Variants in KAZN observed in about 807,000 individuals in gnomAD.
KAZN encodes the protein kazrin.
A neutral mutation model predicts 87.4 loss-of-function variants in KAZN; 40 were observed. That is an observed-to-expected ratio of 0.46 (90% CI 0.36 to 0.60). KAZN has a LOEUF of 0.60. Ranked by LOEUF, KAZN falls within the 20% of genes least tolerant of loss-of-function variation. KAZN has a pLI of 0.00. For missense variants in KAZN, 898 were observed against 1,073.9 expected, an observed-to-expected ratio of 0.84 and a Z score of 2.29; for synonymous variants, 466 against 458.3, an observed-to-expected ratio of 1.02 and a Z score of -0.22.
Position 14,357,378 on chromosome 1 carries a change from T to G in KAZN, c.249+176786T>G, listed in dbSNP as rs183638892. Among the ~76,000 whole-genome samples, 644 of 152,314 alleles carry G rather than the reference T, an allele frequency of 4.2e-3. 3 individuals carry two copies. Among genetic ancestry groups the G allele is most frequent in the African/African-American group, 0.015 (606 of 41,578 alleles). ...TCATGTCATCTGCAAACAGAGACAA[T>G]TTGACTTCCTCTCTTCCTATTGGAA... is the stretch of plus-strand genomic sequence containing the variant. On this transcript the variant is annotated intron_variant, in intron 2 of 16. Transcript: ENST00000636203.
rs753425019 is a variant in KAZN, at chr1:14,474,533, G to A, written c.250-124450G>A. Among the ~76,000 whole-genome samples, 10 of 152,208 alleles carry A rather than the reference G, an allele frequency of 6.6e-5. No homozygotes were observed. The South Asian group carries it at 1.0e-3, about 16-fold the overall frequency. ...TTGAGGAATAAACGAACAGTTGACC[G>A]GCATAGCTGGCATAGCATGAGCCAG... On this transcript the variant is annotated intron_variant, in intron 2 of 16. Transcript: ENST00000636203.
intron 2 of KAZN, among the ~76,000 whole-genome samples, chr1:14,969,325 C>T (rs1664778177): frequency 6.6e-6 from 1 of 152,252 alleles, no homozygotes; most frequent in Admixed American, 6.5e-5. Flanking sequence ...CCATCAAAGA[C>T]GTGTTCATCT....
chr1:14,627,592 G>C (rs1343499428), intron 1 of KAZN, among the ~76,000 whole-genome samples: 1 of 152,158 alleles, frequency 6.6e-6, no homozygotes, highest in Non-Finnish European at 1.5e-5. Flanking sequence ...GCTGCGTCTG[G>C]TTTGCTCACC....
chr1:14,986,756 A>G (rs182307842), intron 2 of KAZN, among the ~76,000 whole-genome samples: 1 of 152,272 alleles, frequency 6.6e-6, no homozygotes, highest in African/African-American at 2.4e-5. Context: ...GTTGGGGTGG[A>G]GGGACTCTGT....
chr1:13,992,252 T>C (rs900816794), intron 1 of KAZN, among the ~76,000 whole-genome samples: 5 of 152,194 alleles, frequency 3.3e-5, no homozygotes, highest in African/African-American at 1.2e-4. Flanking sequence ...TCACTTTATG[T>C]AGTAGAAGAT....
chr1:14,722,902 G>A (rs1462999037), intron 1 of KAZN, among the ~76,000 whole-genome samples: 1 of 151,996 alleles, frequency 6.6e-6, no homozygotes, highest in Non-Finnish European at 1.5e-5. Context: ...GAGGTGGGAG[G>A]GTCATTTGAA....
chr1:14,938,542 C>T (rs918603690), intron 1 of KAZN, among the ~76,000 whole-genome samples: 1 of 107,894 alleles, frequency 9.3e-6, no homozygotes, highest in African/African-American at 3.3e-5. Flanking sequence ...AACTCCATCT[C>T]AAAAAAAAAA....
intron 2 of KAZN, among the ~76,000 whole-genome samples, chr1:14,544,357 T>C (rs1673005160): frequency 6.8e-6 from 1 of 147,606 alleles, no homozygotes; most frequent in South Asian, 2.1e-4. Context: ...TTTCTTTTTT[T>C]TTTTTTTTTT....
At chr1:14,200,753 C>T (rs1227950319) in intron 2 of KAZN, among the ~76,000 whole-genome samples, 2 of 151,918 alleles carry the variant, frequency 1.3e-5, no homozygotes, top group African/African-American at 4.8e-5. Context: ...AAGCGAAGTA[C>T]TTAATGCACA....
chr1:14,957,706 A>G lies in KAZN; in HGVS notation c.227-2978A>G, dbSNP rs569882358. On this transcript the variant is annotated intron_variant, in intron 1 of 14. Transcript: ENST00000376030. ...GGGGAGACGAGCTCCCAGGCAGGTC[A>G]CAGCTCTGCGGAGGCCCTGAGGTGT... is the stretch of plus-strand genomic sequence containing the variant. Among the ~76,000 whole-genome samples, 3 of 152,324 alleles carry G rather than the reference A, an allele frequency of 2.0e-5. No homozygotes were observed. The South Asian group carries it at 6.2e-4, about 32-fold the overall frequency.
In KAZN at chr1:14,015,667, T is replaced by G. The variant is rs190394221; in HGVS notation, c.91+121911T>G. On this transcript the variant is annotated intron_variant, in intron 1 of 16. Transcript: ENST00000636203. ...AGCTCACACCTGTAATCCCAGCACT[T>G]TGGGAGGCTGAGGCAGGTGGATCAT... Among the ~76,000 whole-genome samples the G allele has an allele frequency of 4.6e-3, 677 of 147,934 alleles. 2 individuals carry two copies. Among genetic ancestry groups the G allele is most frequent in the African/African-American group, 0.014 (566 of 40,518 alleles).
intron 1 of KAZN, among the ~76,000 whole-genome samples, chr1:14,132,614 C>T (rs1230171035): frequency 6.6e-6 from 1 of 152,204 alleles, no homozygotes; most frequent in African/African-American, 2.4e-5. Flanking sequence ...AGGAAGAATG[C>T]ATGCTGGAGA....
chr1:14,790,838 G>A (rs1737354), intron 1 of KAZN, among the ~76,000 whole-genome samples: 94,421 of 152,044 alleles, frequency 0.62, 29,583 homozygotes, highest in South Asian at 0.67. Context: ...AATGATATGC[G>A]TGCACCACTA....
chr1:14,467,067 T>C (rs1466793485), intron 2 of KAZN, among the ~76,000 whole-genome samples: 1 of 152,144 alleles, frequency 6.6e-6, no homozygotes, highest in African/African-American at 2.4e-5. Context: ...TAAATATATT[T>C]TTGTAATTCC....
At chr1:14,070,972 G>A (rs926947869) in intron 1 of KAZN, among the ~76,000 whole-genome samples, 9 of 152,134 alleles carry the variant, frequency 5.9e-5, no homozygotes, top group South Asian at 2.1e-4. Flanking sequence ...CGAATAAGTC[G>A]TTGAGTTAGG....
chr1:14,339,902 G>T (rs1011783970), intron 2 of KAZN, among the ~76,000 whole-genome samples: 1 of 152,096 alleles, frequency 6.6e-6, no homozygotes, highest in African/African-American at 2.4e-5. Flanking sequence ...ATCCTTAAGG[G>T]CTTAACTTGT....
chr1:14,972,406 G>T (rs1328264703), intron 2 of KAZN, among the ~76,000 whole-genome samples: 2 of 152,324 alleles, frequency 1.3e-5, no homozygotes, highest in East Asian at 3.9e-4. Context: ...TTGAGCACAG[G>T]TCCAAGGCGG....
At chr1:13,958,307 A>C (rs2101016538) in intron 1 of KAZN, among the ~76,000 whole-genome samples, 1 of 152,322 alleles carries the variant, frequency 6.6e-6, no homozygotes, top group East Asian at 1.9e-4. Context: ...GCGGTGGCTC[A>C]CGCCTGTAAT....
intron 2 of KAZN, among the ~76,000 whole-genome samples, chr1:14,214,818 T>A (rs2100468330): frequency 6.6e-6 from 1 of 152,286 alleles, no homozygotes; most frequent in South Asian, 2.1e-4. Flanking sequence ...TGAGCACAAT[T>A]GCAAGTGCAT....
Sources: allele counts gnomAD v4.1 joint callset (sites outside exome capture counted in the v4.1 genomes callset), GRCh38; gene constraint gnomAD v4.1.1; transcripts MANE v1.5; gene names NCBI Gene and HGNC (gene_info 2026-07-23, HGNC 2026-07-21).